Variants in NRG1 observed in about 807,000 individuals in gnomAD.
NRG1 encodes the protein neuregulin 1, also known as pro-neuregulin-1, membrane-bound isoform.
In NRG1, 18 loss-of-function variants were observed where a neutral mutation model predicts 63.8. The observed-to-expected ratio is 0.28, with a 90% CI of 0.19 to 0.42. NRG1 has a LOEUF of 0.42. NRG1 is among the 10% of genes least tolerant of loss of function. The pLI is 1.00. For synonymous variants in NRG1, 302 were observed against 301.3 expected (o/e 1.00, Z -0.02); for missense variants, 762 against 814.7 (o/e 0.94, Z 0.79).
intron 1 of NRG1, among the ~76,000 whole-genome samples, chr8:32,339,098 G>C (rs1268591662): frequency 6.6e-6 from 1 of 152,108 alleles, no homozygotes; most frequent in Non-Finnish European, 1.5e-5. Flanking sequence ...AGTCACGGTG[G>C]TTCACAGAAG....
At chr8:32,511,399 A>ATATATATAT (rs71208189) in intron 1 of NRG1, among the ~76,000 whole-genome samples, 3 of 143,834 alleles carry the variant, frequency 2.1e-5, no homozygotes, top group Non-Finnish European at 3.0e-5. Flanking sequence ...ATATATATAT[A>ATATATATAT]AATAAAATAA....
At chr8:32,647,771 C>T (rs1853958250) in intron 5 of NRG1, 4 of 1,608,122 alleles carry the variant, frequency 2.5e-6, no homozygotes, top group Middle Eastern at 1.7e-4. Flanking sequence ...GGTCCTCCAG[C>T]CCCTCCACTC....
intron 1 of NRG1, among the ~76,000 whole-genome samples, chr8:31,776,857 AG>A (rs1819196148): frequency 6.6e-6 from 1 of 152,236 alleles, no homozygotes. Context: ...GTCCCTACAA[AG>A]GACATGAACT....
chr8:32,190,560 A>G (rs1204791373), intron 1 of NRG1, among the ~76,000 whole-genome samples: 2 of 152,200 alleles, frequency 1.3e-5, no homozygotes, highest in Non-Finnish European at 2.9e-5. Flanking sequence ...AGAGCAAGCA[A>G]TCTTCAAACT....
At chr8:32,645,683 T>C (rs1039099050) in intron 5 of NRG1, among the ~76,000 whole-genome samples, 7 of 152,174 alleles carry the variant, frequency 4.6e-5, no homozygotes, top group Non-Finnish European at 7.3e-5. Context: ...GTAGTATAGA[T>C]TTAGAGAGAG....
chr8:31,743,456 G>T (rs1297253479), intron 1 of NRG1, among the ~76,000 whole-genome samples: 1 of 152,036 alleles, frequency 6.6e-6, no homozygotes, highest in Non-Finnish European at 1.5e-5. Context: ...ACAAGCTCAA[G>T]TACCAAGTGT....
chr8:31,685,492 A>T (rs1808791103), intron 1 of NRG1, among the ~76,000 whole-genome samples: 1 of 152,184 alleles, frequency 6.6e-6, no homozygotes, highest in Non-Finnish European at 1.5e-5. Flanking sequence ...GGCAGTTTAA[A>T]CAGCTTTATT....
intron 1 of NRG1, among the ~76,000 whole-genome samples, chr8:31,744,607 A>T (rs867285653): frequency 3.3e-5 from 5 of 151,860 alleles, no homozygotes; most frequent in Non-Finnish European, 2.9e-5. Context: ...GAAGTTAAGG[A>T]TCTTGATGCC....
chr8:32,690,129 T>C (rs1227005205), intron 5 of NRG1, among the ~76,000 whole-genome samples: 1 of 152,200 alleles, frequency 6.6e-6, no homozygotes, highest in Non-Finnish European at 1.5e-5. Flanking sequence ...TAGAGCCAGC[T>C]ACTCCATGCT....
chr8:31,965,575 G>C (rs986727607), intron 1 of NRG1, among the ~76,000 whole-genome samples: 10 of 152,270 alleles, frequency 6.6e-5, no homozygotes, highest in African/African-American at 2.4e-4. Flanking sequence ...ATACCCAGTA[G>C]TGGTATTGCT....
intron 1 of NRG1, among the ~76,000 whole-genome samples, chr8:32,179,299 G>C (rs1230546371): frequency 6.6e-6 from 1 of 150,474 alleles, no homozygotes; most frequent in Non-Finnish European, 1.5e-5. Context: ...GAAGTGGCAA[G>C]AAAAGACGCT....
chr8:31,856,378 G>T (rs910918904), intron 1 of NRG1, among the ~76,000 whole-genome samples: 3 of 152,030 alleles, frequency 2.0e-5, no homozygotes, highest in African/African-American at 7.3e-5. Context: ...TTCCATCGCT[G>T]ATACCCTTTC....
intron 1 of NRG1, among the ~76,000 whole-genome samples, chr8:32,506,464 C>G (rs1336760803): frequency 6.6e-6 from 1 of 152,108 alleles, no homozygotes; most frequent in Non-Finnish European, 1.5e-5. Context: ...TGCCAATATT[C>G]TATTCTATGA....
chr8:32,555,766 C>T (rs898051864), intron 1 of NRG1, among the ~76,000 whole-genome samples: 33 of 152,186 alleles, frequency 2.2e-4, no homozygotes, highest in Admixed American at 1.2e-3. Flanking sequence ...CCACCGCGCC[C>T]GGCGGGGCTG....
chr8:31,871,210 C>T (rs1015281851), intron 1 of NRG1, among the ~76,000 whole-genome samples: 2 of 150,832 alleles, frequency 1.3e-5, no homozygotes, highest in Non-Finnish European at 3.0e-5. Flanking sequence ...CTCCTGACCT[C>T]GTGATCCACC....
intron 1 of NRG1, among the ~76,000 whole-genome samples, chr8:32,123,260 T>C (rs1376771042): frequency 6.6e-6 from 1 of 151,956 alleles, no homozygotes; most frequent in Non-Finnish European, 1.5e-5. Flanking sequence ...CCATTTGTCA[T>C]GGGAGGGACC....
chr8:32,121,505 A>G (rs530895490), intron 1 of NRG1, among the ~76,000 whole-genome samples: 27 of 151,786 alleles, frequency 1.8e-4, no homozygotes, highest in African/African-American at 6.0e-4. Flanking sequence ...ATTGAATGTC[A>G]CTCTGAATTC....
chr8:32,366,856 A>C (rs1808126723), intron 1 of NRG1, among the ~76,000 whole-genome samples: 1 of 151,422 alleles, frequency 6.6e-6, no homozygotes, highest in Non-Finnish European at 1.5e-5. Context: ...GACTACAGTC[A>C]TGTGCCACCA....
At chr8:32,603,403 A>G (rs1285712443) in intron 2 of NRG1, among the ~76,000 whole-genome samples, 3 of 152,208 alleles carry the variant, frequency 2.0e-5, no homozygotes, top group Non-Finnish European at 4.4e-5. Context: ...TTCCAAATTT[A>G]TTTGAATGTG....
Sources: allele counts gnomAD v4.1 joint callset (sites outside exome capture counted in the v4.1 genomes callset), GRCh38; gene constraint gnomAD v4.1.1; transcripts MANE v1.5; gene names NCBI Gene and HGNC (gene_info 2026-07-23, HGNC 2026-07-21).